NECTIN2: variants seen among roughly 807,000 people sequenced by gnomAD.
NECTIN2 encodes the protein nectin-2.
NECTIN2 carries 23 observed loss-of-function variants against 56.9 expected under a neutral mutation model. The observed-to-expected ratio is 0.40, with a 90% CI of 0.29 to 0.57. NECTIN2 has a LOEUF of 0.57. Among genes scored for constraint, NECTIN2 ranks in the 20% least tolerant of loss-of-function variants. NECTIN2 has a pLI of 0.38. For synonymous variants in NECTIN2, 302 were observed against 313.8 expected (o/e 0.96, Z 0.40); for missense variants, 587 against 718.3 (o/e 0.82, Z 2.09).
chr19:44,848,391 G>A (rs1968861311), intron 1 of NECTIN2, among the ~76,000 whole-genome samples: 1 of 152,160 alleles, frequency 6.6e-6, no homozygotes, highest in Non-Finnish European at 1.5e-5. Context: ...AGGTCTCACA[G>A]CAGGTCCCGG....
chr19:44,876,304 C>G (rs987998652), intron 5 of NECTIN2, among the ~76,000 whole-genome samples: 1 of 130,934 alleles, frequency 7.6e-6, no homozygotes, highest in South Asian at 2.7e-4. Context: ...ACCTCTACCC[C>G]AGATACACCT....
chr19:44,874,232 C>G lies in NECTIN2; in HGVS notation c.894-98C>G, dbSNP rs543346657. On this transcript the variant is annotated intron_variant, in intron 4 of 8. Transcript: ENST00000252483. The surrounding 1 kb of genome is among the most constrained non-coding windows in gnomAD (Gnocchi z 6.3). ...TGGGGTCTCCGGGAGTACTTAGGTC[C>G]CTGGAGCTTGGCTCCTGGTGGGTGT... is the stretch of plus-strand genomic sequence containing the variant. 2.7e-6 allele frequency: 4 copies of G among 1,467,852 alleles called. No individual in the cohort carries two copies. In the Admixed American group the frequency reaches 7.0e-5, roughly 26 times the overall value. The allele number at this position is 1,467,852 out of a possible 1,614,324, so 90.9% of individuals were successfully genotyped here. A position where few individuals can be genotyped will look rare whatever the true frequency, so the allele number is the denominator to read the frequency against.
At chr19:44,873,892 A>G (rs1335791469) in intron 3 of NECTIN2, 24 bp from the exon 4 acceptor site, 1 of 1,558,006 alleles carries the variant, frequency 6.4e-7, no homozygotes, top group Non-Finnish European at 8.8e-7. Context: ...CTCCTTGCTG[A>G]TCCAGTCCCC....
chr19:44,874,269 T>C lies in NECTIN2; in HGVS notation c.894-61T>C. 2 of 1,563,218 alleles carry C rather than the reference T, an allele frequency of 1.3e-6. No individual in the cohort carries two copies. Among genetic ancestry groups the C allele is most frequent in the Middle Eastern group, 1.7e-4 (1 of 5,774 alleles). On this transcript the variant is annotated intron_variant, in intron 4 of 8. Transcript: ENST00000252483. This position sits in a 1 kb window ranked among gnomAD's most constrained non-coding sequence, Gnocchi z 6.3. The stretch of plus-strand genomic sequence containing the variant: ...CTCCTGGTGGGTGTATCTTTAGGGA[T>C]GAGGCCTGTGCTCCCCTCTCGACCT...
chr19:44,886,252 G>A (rs1453657253), intron 8 of NECTIN2, 33 bp downstream of exon 8: 1 of 1,572,504 alleles, frequency 6.4e-7, no homozygotes, highest in Non-Finnish European at 8.7e-7. Context: ...AGGTGGGTTG[G>A]GGGTCTGGGT....
intron 1 of NECTIN2, among the ~76,000 whole-genome samples, chr19:44,855,548 C>G (rs1052683694): frequency 2.6e-5 from 4 of 152,126 alleles, no homozygotes; most frequent in African/African-American, 7.2e-5. Flanking sequence ...GCTCTTCTTT[C>G]GTTCATCGTC....
intron 6 of NECTIN2, among the ~76,000 whole-genome samples, chr19:44,882,794 T>C (rs1223454502): frequency 6.6e-6 from 1 of 151,224 alleles, no homozygotes; most frequent in African/African-American, 2.4e-5. Context: ...TTTTTTTTTT[T>C]TTTTTGTGAC....
chr19:44,881,588 G>C (rs1029032200), intron 5 of NECTIN2, among the ~76,000 whole-genome samples: 26 of 152,070 alleles, frequency 1.7e-4, no homozygotes, highest in African/African-American at 6.3e-4. Flanking sequence ...TCCGGAGGGT[G>C]AGGTGGGAGG....
intron 5 of NECTIN2, chr19:44,878,854 C>T (rs1388748187): frequency 1.5e-6 from 2 of 1,305,578 alleles, no homozygotes; most frequent in Non-Finnish European, 1.9e-6. Context: ...AGAGAGGACC[C>T]CCGCCCCCAG....
At chr19:44,854,981 C>T (rs917998808) in intron 1 of NECTIN2, among the ~76,000 whole-genome samples, 23 of 143,518 alleles carry the variant, frequency 1.6e-4, no homozygotes, top group Admixed American at 6.4e-4. Flanking sequence ...AGCCGGGCGT[C>T]GTGGCGGGCA....
At chr19:44,848,150 G>T (rs1480634910) in intron 1 of NECTIN2, among the ~76,000 whole-genome samples, 1 of 152,116 alleles carries the variant, frequency 6.6e-6, no homozygotes, top group East Asian at 1.9e-4. Context: ...TTGACCCAGA[G>T]CTGGGAACTC....
rs949761756 is a variant in NECTIN2 at position 44,846,476 on chromosome 19, A to T, written c.-50A>T. The stretch of plus-strand genomic sequence containing the variant: ...AACCGCCCAGCCGATCGGCCCCCAC[A>T]GAGTGGCCCGCGGGCCTCCGGCCGG... On this transcript the variant is annotated 5_prime_UTR_variant, in exon 1 of 9. Coordinates refer to ENST00000252483, the MANE Select transcript of NECTIN2 (RefSeq NM_001042724.2). The T allele has an allele frequency of 1.1e-5, 16 of 1,417,820 alleles. No homozygotes were observed. In the Admixed American group the frequency reaches 2.8e-4, roughly 25 times the overall value. 87.8% of individuals were successfully genotyped at this position (1,417,820 alleles called of 1,614,324 possible).
chr19:44,874,153 T>C lies in NECTIN2; in HGVS notation c.893+120T>C, dbSNP rs1241196081. 1 of 1,210,222 alleles carries C rather than the reference T, an allele frequency of 8.3e-7. No individual in the cohort carries two copies. The highest frequency in any genetic ancestry group is 1.5e-5 in the African/African-American group (1 of 65,116). 75.0% of individuals were successfully genotyped at this position (1,210,222 alleles called of 1,614,324 possible). ...CTCCTGGATCTGAGGGAGGAGGGGC[T>C]GGGCCTAAATTCCTAAGTCCTCCAG... On this transcript the variant is annotated intron_variant, in intron 4 of 8. Coordinates refer to ENST00000252483, the MANE Select transcript of NECTIN2 (RefSeq NM_001042724.2). The surrounding 1 kb of genome is among the most constrained non-coding windows in gnomAD (Gnocchi z 6.3).
At chr19:44,847,747 G>A (rs1337409218) in intron 1 of NECTIN2, among the ~76,000 whole-genome samples, 1 of 152,158 alleles carries the variant, frequency 6.6e-6, no homozygotes, top group Non-Finnish European at 1.5e-5. Context: ...TCCTGGCTCC[G>A]GGTTCCGGAC....
intron 2 of NECTIN2, among the ~76,000 whole-genome samples, chr19:44,870,481 C>G (rs1969160580): frequency 6.6e-6 from 1 of 151,918 alleles, no homozygotes; most frequent in African/African-American, 2.4e-5. Context: ...GGACACACAT[C>G]ATAAGCATGA....
At chr19:44,880,399 C>T (rs973878075) in intron 5 of NECTIN2, among the ~76,000 whole-genome samples, 3 of 148,690 alleles carry the variant, frequency 2.0e-5, no homozygotes, top group Non-Finnish European at 4.4e-5. Context: ...GAAATGGAAA[C>T]GGGAGGTGCT....
chr19:44,876,431 G>A (rs1969238068), intron 5 of NECTIN2, among the ~76,000 whole-genome samples: 1 of 152,068 alleles, frequency 6.6e-6, no homozygotes, highest in Non-Finnish European at 1.5e-5. Flanking sequence ...ACCTACCCAC[G>A]ACAGTGGCCA....
intron 6 of NECTIN2, among the ~76,000 whole-genome samples, chr19:44,885,276 G>A (rs537434069): frequency 1.1e-4 from 17 of 149,552 alleles, no homozygotes; most frequent in African/African-American, 3.7e-4. Flanking sequence ...GATTACAGGC[G>A]TGAGCCACCA....
intron 5 of NECTIN2, chr19:44,878,945 G>T: frequency 8.8e-7 from 1 of 1,135,360 alleles, no homozygotes; most frequent in East Asian, 4.9e-5. Flanking sequence ...AACATCAGGG[G>T]TGTCTTGTAA....
Sources: gnomAD v4.1 joint callset for allele counts (sites outside exome capture counted in the v4.1 genomes callset) on GRCh38, gnomAD v4.1.1 for gene constraint, Gnocchi (gnomAD v3.1) non-coding constraint, MANE v1.5 for transcripts, NCBI Gene and HGNC (gene_info 2026-07-23, HGNC 2026-07-21) for gene names.